The following AAGAB variants were observed in gnomAD, a reference collection of about 807,000 sequenced individuals.
The protein encoded by AAGAB is alpha- and gamma-adaptin-binding protein p34.
Under a neutral mutation model 44.1 loss-of-function variants are expected in AAGAB, and 38 were observed. That is an observed-to-expected ratio of 0.86 (90% CI 0.67 to 1.13). AAGAB has a LOEUF of 1.13. AAGAB is among the 50% of genes most tolerant of loss of function. The pLI is 0.00. For synonymous variants in AAGAB, 131 were observed against 131.8 expected (o/e 0.99, Z 0.04); for missense variants, 450 against 373.8 (o/e 1.20, Z -1.68).
intron 4 of AAGAB, 23 bp from the exon 5 acceptor site, chr15:67,231,920 T>C (rs546464690): frequency 3.2e-6 from 5 of 1,560,448 alleles, no homozygotes; most frequent in South Asian, 2.2e-5. Flanking sequence ...GGGAAATATA[T>C]ATATTTATAT....
intron 1 of AAGAB, among the ~76,000 whole-genome samples, chr15:67,237,374 T>G (rs1371237700): frequency 6.6e-6 from 1 of 152,248 alleles, no homozygotes; most frequent in Non-Finnish European, 1.5e-5. Flanking sequence ...CTATTTATAT[T>G]CAGCCTTGTT....
At chr15:67,221,877 T>C (rs1335375853) in intron 5 of AAGAB, among the ~76,000 whole-genome samples, 2 of 152,206 alleles carry the variant, frequency 1.3e-5, no homozygotes, top group African/African-American at 4.8e-5. Context: ...TTATGGATGT[T>C]GTCCTCTACA....
chr15:67,232,949 T>C (rs1169447198), intron 4 of AAGAB: 1 of 155,610 alleles, frequency 6.4e-6, no homozygotes. Flanking sequence ...ACTAAAGCAA[T>C]TAAACACACA....
intron 8 of AAGAB, 78 bp from the exon 9 acceptor site, chr15:67,203,675 G>A (rs1963619849): frequency 2.4e-6 from 3 of 1,262,994 alleles, no homozygotes; most frequent in Non-Finnish European, 3.4e-6. Flanking sequence ...ACTAGAAGAT[G>A]GGAGACGGGT....
Position 67,207,176 on chromosome 15 carries a change from C to T in AAGAB, c.715+1386G>A, listed in dbSNP as rs137869130. ...TGCACTCCACCCTGGGCAACAAGAG[C>T]GAAACTCCATCTCAAACAAAAACAA... is the stretch of plus-strand genomic sequence containing the variant. On this transcript the variant is annotated intron_variant, in intron 7 of 9. Transcript: ENST00000261880. Among the ~76,000 whole-genome samples, 289 of 152,240 alleles carry T rather than the reference C, an allele frequency of 1.9e-3. 1 individual carries two copies. Among genetic ancestry groups the T allele is most frequent in the Admixed American group, 5.4e-3 (82 of 15,300 alleles).
chr15:67,254,957 G>A (rs371158214), upstream of AAGAB: 293 of 1,612,048 alleles, frequency 1.8e-4, no homozygotes, highest in Middle Eastern at 1.2e-3. Flanking sequence ...GGTGGGAAAC[G>A]GGCTTCCCCC....
At chr15:67,205,007 G>C (rs959186465) in intron 7 of AAGAB, among the ~76,000 whole-genome samples, 5 of 152,200 alleles carry the variant, frequency 3.3e-5, no homozygotes, top group African/African-American at 4.8e-5. Flanking sequence ...ACCACTGAAT[G>C]CTTTAACTTA....
rs1567026944 is a variant in AAGAB at position 67,236,013 on chromosome 15, T to C, written c.417A>G (p.Val139=). ...CAGGCAACTCCTCTGGACTAAGTTC[T>C]ACCAATTCAAAGCCATGTTTGATGC... is the stretch of plus-strand genomic sequence containing the variant. ...EWCIKHGFEL[V]ELSPEELPEE... Residue 139 remains valine (V), a synonymous_variant, in exon 4 of 10, where the codon GTA becomes GTG. Coordinates refer to ENST00000261880, the MANE Select transcript of AAGAB (RefSeq NM_024666.5). 1 of 1,613,630 alleles carries C rather than the reference T, an allele frequency of 6.2e-7. No individual in the cohort carries two copies. The highest frequency in any genetic ancestry group is 1.7e-4 in the Middle Eastern group (1 of 6,056).
chr15:67,235,863 C>A, intron 4 of AAGAB, 116 bp downstream of exon 4: 1 of 793,794 alleles, frequency 1.3e-6, no homozygotes, highest in Non-Finnish European at 2.0e-6. Context: ...TTGCTTAAAT[C>A]CTTGAAACAG....
chr15:67,253,799 G>C (rs1430412851), intron 1 of AAGAB, among the ~76,000 whole-genome samples: 1 of 151,944 alleles, frequency 6.6e-6, no homozygotes, highest in Non-Finnish European at 1.5e-5. Flanking sequence ...AGGTAGGTTA[G>C]GTGACTTGCT....
At chr15:67,219,455 A>C (rs1215389529) in intron 5 of AAGAB, among the ~76,000 whole-genome samples, 1 of 152,218 alleles carries the variant, frequency 6.6e-6, no homozygotes, top group African/African-American at 2.4e-5. Context: ...AACATGGTAC[A>C]TGTACACCAT....
At chr15:67,222,242 G>GCACGCACACACA (rs1555417887) in intron 5 of AAGAB, among the ~76,000 whole-genome samples, 1 of 90,044 alleles carries the variant, frequency 1.1e-5, no homozygotes, top group Non-Finnish European at 2.3e-5. Flanking sequence ...GCGCGCGCGC[G>GCACGCACACACA]CACACACACA....
intron 5 of AAGAB, among the ~76,000 whole-genome samples, chr15:67,222,242 G>GCGCACACACACACACACACACACA (rs1367738219): frequency 1.8e-4 from 16 of 90,126 alleles, no homozygotes; most frequent in African/African-American, 3.8e-4. Context: ...GCGCGCGCGC[G>GCGCACACACACACACACACACACA]CACACACACA....
At chr15:67,204,010 A>G in intron 8 of AAGAB, 34 bp downstream of exon 8, 2 of 1,307,516 alleles carry the variant, frequency 1.5e-6, no homozygotes, top group South Asian at 1.2e-5. Context: ...AAGCATCAAC[A>G]TGGGAACATA....
chr15:67,231,670 T>G (rs1964338196), intron 5 of AAGAB, 144 bp downstream of exon 5: 12 of 647,826 alleles, frequency 1.9e-5, no homozygotes, highest in Non-Finnish European at 3.3e-5. Context: ...AAATGCTACT[T>G]TTGGCGCTTC....
chr15:67,222,242 GCACACACA>G lies in AAGAB; in HGVS notation c.535+9564_535+9571del, dbSNP rs370826027. ...TGCATGCACGCGCACGCGCGCGCGC[GCACACACA>G]CACACACACACACACACACACACAC... On this transcript the variant is annotated intron_variant, in intron 5 of 9. Transcript: ENST00000261880. 3.5e-3 allele frequency among the ~76,000 whole-genome samples: 319 copies of G among 90,124 alleles called. 1 individual carries two copies. The highest frequency in any genetic ancestry group is 7.2e-3 in the South Asian group (14 of 1,934). The allele number at this position is 90,124 out of a possible 152,430, so 59.1% of individuals were successfully genotyped here. A position where few individuals can be genotyped will look rare whatever the true frequency, so the allele number is the denominator to read the frequency against.
In AAGAB at chr15:67,206,505, GCTTT is replaced by G. The variant is rs1426369772; in HGVS notation, c.715+2053_715+2056del. Among the ~76,000 whole-genome samples, 31 of 152,206 alleles carry G rather than the reference GCTTT, an allele frequency of 2.0e-4. 1 individual carries two copies. The highest frequency in any genetic ancestry group is 5.5e-4 in the African/African-American group (23 of 41,526). ...TTACTGTGTTTTGTGCCTAATGATG[GCTTT>G]CTATTTTCCTCATTCCTTCTATATT... is the stretch of plus-strand genomic sequence containing the variant. On this transcript the variant is annotated intron_variant, in intron 7 of 9. Coordinates refer to ENST00000261880, the MANE Select transcript of AAGAB (RefSeq NM_024666.5).
chr15:67,203,058 C>T (rs574543437), intron 9 of AAGAB, among the ~76,000 whole-genome samples, 160 bp from the exon 10 acceptor site: 13 of 152,256 alleles, frequency 8.5e-5, no homozygotes, highest in East Asian at 1.9e-4. Flanking sequence ...GACCCATGAT[C>T]GCCACATCTA....
At chr15:67,213,009 C>G (rs994738828) in intron 5 of AAGAB, among the ~76,000 whole-genome samples, 5 of 152,140 alleles carry the variant, frequency 3.3e-5, no homozygotes, top group Admixed American at 1.3e-4. Flanking sequence ...TTTATTGATG[C>G]CACAAAACTC....
Sources: gnomAD v4.1 joint callset for allele counts (sites outside exome capture counted in the v4.1 genomes callset) on GRCh38, gnomAD v4.1.1 for gene constraint, MANE v1.5 for transcripts, NCBI Gene and HGNC (gene_info 2026-07-23, HGNC 2026-07-21) for gene names.